Variants in ROCK1 observed in about 807,000 individuals in gnomAD.
ROCK1 encodes Rho associated coiled-coil containing protein kinase 1.
Under a neutral mutation model 196.8 loss-of-function variants are expected in ROCK1, and 36 were observed. The observed-to-expected ratio is 0.18, with a 90% CI of 0.14 to 0.24. The LOEUF (loss-of-function observed/expected upper bound fraction) is 0.24. Ranked by LOEUF, ROCK1 falls within the 10% of genes least tolerant of loss-of-function variation. The pLI, the probability that ROCK1 is intolerant of heterozygous loss-of-function variation, is 1.00. For synonymous variants in ROCK1, 443 were observed against 515.9 expected (o/e 0.86, Z 1.91); for missense variants, 920 against 1,562.0 (o/e 0.59, Z 6.93).
At chr18:21,030,607 A>C (rs1243855271) in intron 9 of ROCK1, among the ~76,000 whole-genome samples, 4 of 152,180 alleles carry the variant, frequency 2.6e-5, no homozygotes, top group Non-Finnish European at 5.9e-5. Flanking sequence ...TCTGAGATAC[A>C]AGTGGGGAAA....
At chr18:20,970,597 A>G in intron 22 of ROCK1, 84 bp from the exon 23 acceptor site, 1 of 853,782 alleles carries the variant, frequency 1.2e-6, no homozygotes, top group Non-Finnish European at 1.8e-6. Flanking sequence ...AACACAATTA[A>G]CTTTAAATGA....
At chr18:21,095,050 CAAAAAAA>C (rs777577556) in intron 1 of ROCK1, among the ~76,000 whole-genome samples, 2 of 53,784 alleles carry the variant, frequency 3.7e-5, no homozygotes, top group South Asian at 1.3e-3. Context: ...AACTCTGTCT[CAAAAAAA>C]AAAAAAAAAA....
chr18:20,949,760 C>T lies in ROCK1; in HGVS notation c.*1624G>A, dbSNP rs1414429271. ...CCACGTTTTATCTTTTAAAAATACA[C>T]TTTAATCTAACCATGGAATTTCACA... On this transcript the variant is annotated 3_prime_UTR_variant, in exon 33 of 33. Coordinates refer to ENST00000399799, the MANE Select transcript of ROCK1 (RefSeq NM_005406.3). 1.3e-5 allele frequency: 2 copies of T among 152,596 alleles called. No homozygotes were observed. Among genetic ancestry groups the T allele is most frequent in the Non-Finnish European group, 2.9e-5 (2 of 68,036 alleles). The allele number at this position is 152,596 out of a possible 1,614,324, so 9.5% of individuals were successfully genotyped here. A position where few individuals can be genotyped will look rare whatever the true frequency, so the allele number is the denominator to read the frequency against.
intron 9 of ROCK1, among the ~76,000 whole-genome samples, chr18:21,031,690 A>G (rs1470326664): frequency 6.6e-6 from 1 of 151,806 alleles, no homozygotes; most frequent in Non-Finnish European, 1.5e-5. Context: ...AAAATCTTAA[A>G]CTCTCTTAAA....
chr18:21,080,101 C>T (rs961932740), intron 1 of ROCK1, among the ~76,000 whole-genome samples: 3 of 152,020 alleles, frequency 2.0e-5, no homozygotes, highest in African/African-American at 4.8e-5. Flanking sequence ...TTTTCTAATT[C>T]GACTCGAGAC....
intron 2 of ROCK1, among the ~76,000 whole-genome samples, chr18:21,050,271 T>C (rs2036193339): frequency 6.6e-6 from 1 of 152,078 alleles, no homozygotes; most frequent in Non-Finnish European, 1.5e-5. Context: ...GGAATAAATT[T>C]TTCTTTTTAT....
chr18:20,981,394 C>CA (rs902192698), intron 21 of ROCK1, among the ~76,000 whole-genome samples: 67 of 144,714 alleles, frequency 4.6e-4, no homozygotes, highest in Non-Finnish European at 6.5e-4. Flanking sequence ...AACTCCGTCT[C>CA]AAAAAAAAAA....
intron 1 of ROCK1, among the ~76,000 whole-genome samples, chr18:21,084,177 G>C (rs2036506223): frequency 6.6e-6 from 1 of 151,206 alleles, no homozygotes; most frequent in Non-Finnish European, 1.5e-5. Flanking sequence ...AAAATGCTTA[G>C]AAGAAAACAT....
chr18:20,974,291 G>A (rs1326903733), intron 22 of ROCK1, among the ~76,000 whole-genome samples: 1 of 152,192 alleles, frequency 6.6e-6, no homozygotes, highest in South Asian at 2.1e-4. Flanking sequence ...TCTTAGGAGA[G>A]TAGTAGAGTT....
Position 20,948,918 on chromosome 18 carries a change from T to C in ROCK1, c.*2466A>G, listed in dbSNP as rs1283272922. 6.0e-5 allele frequency: 9 copies of C among 149,902 alleles called. No individual in the cohort carries two copies. Among genetic ancestry groups the C allele is most frequent in the Non-Finnish European group, 1.0e-4 (7 of 67,224 alleles). 9.3% of individuals were successfully genotyped at this position (149,902 alleles called of 1,614,324 possible). On this transcript the variant is annotated 3_prime_UTR_variant, in exon 33 of 33. Coordinates refer to ENST00000399799, the MANE Select transcript of ROCK1 (RefSeq NM_005406.3). ...TACAAAACATCTAACTGGAGGTAGA[T>C]TGTAGCAAGCCTGACAAGTGTTGCA...
Position 21,065,937 on chromosome 18 carries a change from T to C in ROCK1, c.175+4595A>G, listed in dbSNP as rs553571181. Among the ~76,000 whole-genome samples the C allele has an allele frequency of 4.6e-5, 7 of 152,308 alleles. No individual in the cohort carries two copies. The South Asian group carries it at 1.2e-3, about 27-fold the overall frequency. On this transcript the variant is annotated intron_variant, in intron 2 of 32. Transcript: ENST00000399799. Reference sequence around the variant, plus strand: ...ATAATTAAACCTGATGATTAAAAATTATATTTGAGGCTTAATTTAATATGA... The same window carrying C: ...ATAATTAAACCTGATGATTAAAAATCATATTTGAGGCTTAATTTAATATGA...
At chr18:21,103,491 C>T (rs1242272986) in intron 1 of ROCK1, among the ~76,000 whole-genome samples, 2 of 151,602 alleles carry the variant, frequency 1.3e-5, no homozygotes, top group African/African-American at 4.8e-5. Context: ...CAGAGTCTCA[C>T]TTTGACAACC....
At chr18:21,066,315 T>C (rs2036334015) in intron 2 of ROCK1, among the ~76,000 whole-genome samples, 1 of 152,202 alleles carries the variant, frequency 6.6e-6, no homozygotes, top group Non-Finnish European at 1.5e-5. Flanking sequence ...TTAAATTTTA[T>C]TATGATTTCA....
chr18:21,082,702 G>GA (rs2036493013), intron 1 of ROCK1, among the ~76,000 whole-genome samples: 1 of 152,222 alleles, frequency 6.6e-6, no homozygotes, highest in Admixed American at 6.5e-5. Context: ...GGCCACATAT[G>GA]AAAATCCCAC....
intron 27 of ROCK1, among the ~76,000 whole-genome samples, chr18:20,962,551 C>T (rs1162469771): frequency 1.3e-5 from 2 of 152,066 alleles, no homozygotes; most frequent in African/African-American, 4.8e-5. Context: ...GGTTAACCTG[C>T]CAGTTTTAAT....
chr18:21,094,068 A>G (rs888145215), intron 1 of ROCK1, among the ~76,000 whole-genome samples: 3 of 152,198 alleles, frequency 2.0e-5, no homozygotes, highest in African/African-American at 7.2e-5. Flanking sequence ...TCTGAAGTCA[A>G]TGGTCAAAGC....
At chr18:20,968,479 G>A (rs558329530) in intron 25 of ROCK1, 2 of 255,524 alleles carry the variant, frequency 7.8e-6, no homozygotes, top group Non-Finnish European at 1.5e-5. Context: ...GCTAATTTTT[G>A]TATTTTTAGT....
intron 1 of ROCK1, among the ~76,000 whole-genome samples, chr18:21,071,087 T>C (rs2036380307): frequency 6.6e-6 from 1 of 152,012 alleles, no homozygotes; most frequent in South Asian, 2.1e-4. Flanking sequence ...TATAAAAATG[T>C]ATTAGATTGT....
chr18:21,023,658 T>C lies in ROCK1; in HGVS notation c.1234A>G (p.Asn412Asp). ...GCATTGGAGCTAGTTCTGTTATCAT[T>C]AGGATTTGCTGAAGATAAGTATCTG... is the stretch of plus-strand genomic sequence containing the variant. ...NRRYLSSANPNDNRTSSNADK... is the reference protein window; with the variant it reads ...NRRYLSSANPDDNRTSSNADK... The change falls in exon 11 of 33, where the codon AAT becomes GAT. Residue 412 changes from asparagine (N) to aspartate (D), a missense_variant. By Grantham distance (23) the Asn-to-Asp change is conservative. Around this residue, in one of 6 missense-constraint regions of ROCK1, gnomAD observed 520 missense variants for 657.1 expected, o/e 0.79. Coordinates refer to ENST00000399799, the MANE Select transcript of ROCK1 (RefSeq NM_005406.3). 6.3e-7 allele frequency: 1 copy of C among 1,579,220 alleles called. No homozygotes were observed. The highest frequency in any genetic ancestry group is 8.6e-7 in the Non-Finnish European group (1 of 1,161,422).
Sources: gnomAD v4.1 joint callset for allele counts (sites outside exome capture counted in the v4.1 genomes callset) on GRCh38, gnomAD v4.1.1 for gene constraint, gnomAD v4.1.1 regional missense constraint, MANE v1.5 for transcripts, NCBI Gene and HGNC (gene_info 2026-07-23, HGNC 2026-07-21) for gene names.